SPAG16: variants seen among roughly 807,000 people sequenced by gnomAD.
SPAG16 encodes the protein sperm-associated antigen 16 protein.
Under a neutral mutation model 80.4 loss-of-function variants are expected in SPAG16, and 86 were observed. The observed-to-expected ratio is 1.07, with a 90% CI of 0.90 to 1.28. The LOEUF (loss-of-function observed/expected upper bound fraction) is 1.28, where lower values mean the gene tolerates loss of function less well. Ranked by LOEUF, SPAG16 falls within the 50% of genes most tolerant of loss-of-function variation. SPAG16 has a pLI of 0.00. For synonymous variants in SPAG16, 294 were observed against 265.9 expected (o/e 1.11, Z -1.03); for missense variants, 870 against 765.3 (o/e 1.14, Z -1.61).
chr2:213,344,923 A>G (rs1334876872), intron 6 of SPAG16, among the ~76,000 whole-genome samples: 1 of 152,168 alleles, frequency 6.6e-6, no homozygotes, highest in African/African-American at 2.4e-5. Flanking sequence ...GTCAAATGGT[A>G]TTTCTAGTTC....
chr2:213,481,337 C>CTTTCTAA (rs1245765456), intron 9 of SPAG16, among the ~76,000 whole-genome samples: 4 of 152,194 alleles, frequency 2.6e-5, no homozygotes, highest in Non-Finnish European at 5.9e-5. Flanking sequence ...AACTGCCTTA[C>CTTTCTAA]TTTCTAAACC....
At chr2:213,417,875 A>AG (rs1383690984) in intron 9 of SPAG16, among the ~76,000 whole-genome samples, 1 of 98,346 alleles carries the variant, frequency 1.0e-5, no homozygotes, top group Admixed American at 9.4e-5. Flanking sequence ...ATTGTGTTTC[A>AG]ATTTTTTTTT....
At chr2:214,037,426 A>G (rs564121567) in intron 13 of SPAG16, among the ~76,000 whole-genome samples, 8 of 152,066 alleles carry the variant, frequency 5.3e-5, no homozygotes, top group Non-Finnish European at 8.8e-5. Flanking sequence ...TATGAAATGT[A>G]CTTATGTAAC....
chr2:214,012,737 C>T (rs1336720216), intron 12 of SPAG16, among the ~76,000 whole-genome samples: 6 of 152,124 alleles, frequency 3.9e-5, no homozygotes, highest in African/African-American at 1.4e-4. Context: ...AGTCATTACA[C>T]ATGAGGAGTG....
chr2:213,633,013 T>C (rs888278945), intron 10 of SPAG16, among the ~76,000 whole-genome samples: 5 of 152,094 alleles, frequency 3.3e-5, no homozygotes, highest in African/African-American at 1.2e-4. Flanking sequence ...ACTCCCACCT[T>C]TGTTTTTTAG....
chr2:213,649,889 C>T (rs1256121653), intron 10 of SPAG16, among the ~76,000 whole-genome samples: 2 of 152,092 alleles, frequency 1.3e-5, no homozygotes, highest in Non-Finnish European at 2.9e-5. Flanking sequence ...GCTAGTTATC[C>T]AAAACTATGA....
At chr2:213,381,685 A>G (rs1429076343) in intron 9 of SPAG16, among the ~76,000 whole-genome samples, 1 of 152,220 alleles carries the variant, frequency 6.6e-6, no homozygotes, top group African/African-American at 2.4e-5. Flanking sequence ...ATTTTTTAAA[A>G]TAAGTATACC....
At chr2:213,784,885 A>T (rs1338030666) in intron 10 of SPAG16, among the ~76,000 whole-genome samples, 4 of 152,020 alleles carry the variant, frequency 2.6e-5, no homozygotes, top group Non-Finnish European at 5.9e-5. Flanking sequence ...ACATGTATTA[A>T]GATTATTTGT....
rs201053004 is a variant in SPAG16 at position 213,575,892 on chromosome 2, C to A, written c.1070+85802C>A. Among the ~76,000 whole-genome samples, 7 of 152,238 alleles carry A rather than the reference C, an allele frequency of 4.6e-5. No individual in the cohort carries two copies. The East Asian group carries it at 9.6e-4, about 21-fold the overall frequency. On this transcript the variant is annotated intron_variant, in intron 10 of 15. Coordinates refer to ENST00000331683, the MANE Select transcript of SPAG16 (RefSeq NM_024532.5). ...AATTTCTGATAATAAGTATATGCCA[C>A]AAATCTGTAAGATTACTTAATTGAT...
intron 10 of SPAG16, among the ~76,000 whole-genome samples, chr2:213,819,748 TTTGGTTGG>T (rs575480417): frequency 2.0e-5 from 3 of 151,822 alleles, no homozygotes; most frequent in Non-Finnish European, 4.4e-5. Flanking sequence ...TGATTGTTTG[TTTGGTTGG>T]TTGGTTGGTT....
intron 10 of SPAG16, among the ~76,000 whole-genome samples, chr2:213,618,583 A>G (rs1229353405): frequency 6.6e-6 from 1 of 152,202 alleles, no homozygotes; most frequent in African/African-American, 2.4e-5. Context: ...TAACAGGGGC[A>G]CAGAAGGCCC....
chr2:213,308,612 A>G (rs2063049388), intron 3 of SPAG16, among the ~76,000 whole-genome samples: 1 of 152,156 alleles, frequency 6.6e-6, no homozygotes. Flanking sequence ...ACAGAAGTTA[A>G]CAGGGTTGCA....
chr2:213,636,587 C>T (rs1484713055), intron 10 of SPAG16, among the ~76,000 whole-genome samples: 1 of 152,216 alleles, frequency 6.6e-6, no homozygotes, highest in African/African-American at 2.4e-5. Context: ...TGTCCATGAG[C>T]ATGGGATGTG....
chr2:213,756,715 G>C (rs1575048907), intron 10 of SPAG16, among the ~76,000 whole-genome samples: 1 of 152,184 alleles, frequency 6.6e-6, no homozygotes, highest in Middle Eastern at 3.4e-3. Flanking sequence ...AAATTTAACG[G>C]CCTAGGATAT....
rs76960061 is a variant in SPAG16 at position 214,197,449 on chromosome 2, G to A, written c.1720+48183G>A. 5.3e-4 allele frequency among the ~76,000 whole-genome samples: 77 copies of A among 145,630 alleles called. 1 individual carries two copies. In the East Asian group the frequency reaches 0.012, roughly 23 times the overall value. ...TTGGACATAGTCTACAATATGAATG[G>A]ACTATGTATAATGGACTATGTATAA... is the stretch of plus-strand genomic sequence containing the variant. On this transcript the variant is annotated intron_variant, in intron 15 of 15. Transcript: ENST00000331683.
chr2:214,075,476 A>G (rs957931137), intron 13 of SPAG16, among the ~76,000 whole-genome samples: 1 of 152,172 alleles, frequency 6.6e-6, no homozygotes, highest in Non-Finnish European at 1.5e-5. Context: ...TGGACGCCGT[A>G]ATGATCTACA....
At chr2:214,028,884 T>G (rs895986718) in intron 13 of SPAG16, among the ~76,000 whole-genome samples, 1 of 152,122 alleles carries the variant, frequency 6.6e-6, no homozygotes, top group Non-Finnish European at 1.5e-5. Flanking sequence ...CAATCAATCA[T>G]TCAACACGTA....
At chr2:213,489,924 A>T in intron 9 of SPAG16, 39 bp from the exon 10 acceptor site, 1 of 1,524,778 alleles carries the variant, frequency 6.6e-7, no homozygotes, top group African/African-American at 1.4e-5. Context: ...AGTGATTTTG[A>T]TATTTAACAC....
rs548659586 is a variant in SPAG16, at chr2:214,352,313, G to C, written c.1721-57827G>C. 4.4e-4 allele frequency among the ~76,000 whole-genome samples: 67 copies of C among 152,280 alleles called. No homozygotes were observed. The Middle Eastern group carries it at 0.02, about 46-fold the overall frequency. On this transcript the variant is annotated intron_variant, in intron 15 of 15. Coordinates refer to ENST00000331683, the MANE Select transcript of SPAG16 (RefSeq NM_024532.5). The stretch of plus-strand genomic sequence containing the variant: ...CCTCACAGTTATCATCATTTTCAAA[G>C]TTTTGATTTTAATGGTTTGACACAT...
Sources: allele counts gnomAD v4.1 joint callset (sites outside exome capture counted in the v4.1 genomes callset), GRCh38; gene constraint gnomAD v4.1.1; transcripts MANE v1.5; gene names NCBI Gene and HGNC (gene_info 2026-07-23, HGNC 2026-07-21).